The following NQO1 variants were observed in gnomAD, a reference collection of about 807,000 sequenced individuals.
NQO1 encodes NAD(P)H dehydrogenase [quinone] 1.
NQO1 carries 30 observed loss-of-function variants against 32.1 expected under a neutral mutation model. The ratio of observed to expected loss-of-function variants is 0.94; its 90% confidence interval spans 0.70 to 1.27. NQO1 has a LOEUF of 1.27. Among genes scored for constraint, NQO1 ranks in the 50% most tolerant of loss-of-function variants. The probability of loss-of-function intolerance (pLI) is 0.00; values close to 1 mark genes in which losing one functional copy is unlikely to be tolerated. For synonymous variants in NQO1, 109 were observed against 119.7 expected (o/e 0.91, Z 0.59); for missense variants, 276 against 331.3 (o/e 0.83, Z 1.30).
chr16:69,717,855 C>T, intron 3 of NQO1: 1 of 361,226 alleles, frequency 2.8e-6, no homozygotes, highest in Non-Finnish European at 5.2e-6. Flanking sequence ...TTGTGATTCA[C>T]CTGCCTTGGC....
At chr16:69,721,854 T>A (rs1157872641) in intron 1 of NQO1, among the ~76,000 whole-genome samples, 2 of 125,020 alleles carry the variant, frequency 1.6e-5, no homozygotes, top group African/African-American at 3.5e-5. Context: ...AAAAAAAAAA[T>A]TAGCTGAGCG....
At chr16:69,712,248 T>C (rs2038051339) in intron 5 of NQO1, among the ~76,000 whole-genome samples, 1 of 141,026 alleles carries the variant, frequency 7.1e-6, no homozygotes, top group South Asian at 2.4e-4. Context: ...GCTAATTTTG[T>C]TTTTTTTTTT....
intron 5 of NQO1, among the ~76,000 whole-genome samples, chr16:69,712,676 G>C (rs866196841): frequency 2.0e-5 from 3 of 152,306 alleles, no homozygotes; most frequent in Middle Eastern, 3.4e-3. Flanking sequence ...CCCCACGAAG[G>C]CTCAATGAAT....
At chr16:69,713,888 G>GTTTTTTTT (rs376877333) in intron 4 of NQO1, among the ~76,000 whole-genome samples, 13 of 130,130 alleles carry the variant, frequency 1.0e-4, no homozygotes, top group South Asian at 8.3e-4. Context: ...TTTTGTTTTT[G>GTTTTTTTT]TTTTTGATAT....
chr16:69,710,884 A>C lies in NQO1; in HGVS notation c.*92T>G. The C allele has an allele frequency of 7.3e-7, 1 of 1,367,466 alleles. No individual in the cohort carries two copies. The highest frequency in any genetic ancestry group is 1.0e-6 in the Non-Finnish European group (1 of 1,004,456). 84.7% of individuals were successfully genotyped at this position (1,367,466 alleles called of 1,614,324 possible). ...ATTTATTCCTTGTGGAAAAAGAAAA[A>C]CACAAATCTTAAAAACTAAAGCAAG... is the stretch of plus-strand genomic sequence containing the variant. On this transcript the variant is annotated 3_prime_UTR_variant, in exon 6 of 6. Transcript: ENST00000320623.
At chr16:69,722,408 C>A (rs1307271813) in intron 1 of NQO1, among the ~76,000 whole-genome samples, 1 of 152,080 alleles carries the variant, frequency 6.6e-6, no homozygotes, top group African/African-American at 2.4e-5. Context: ...GACCCACCTG[C>A]CTTGGCCTCC....
chr16:69,709,519 C>T lies in NQO1; in HGVS notation c.*1457G>A, dbSNP rs1597593097. 2.7e-6 allele frequency: 1 copy of T among 372,696 alleles called. No individual in the cohort carries two copies. Among genetic ancestry groups the T allele is most frequent in the East Asian group, 3.8e-5 (1 of 25,978 alleles). 23.1% of individuals were successfully genotyped at this position (372,696 alleles called of 1,614,324 possible). ...TCAAACTGAAACACCCAGCCGTCAG[C>T]TATTGTGGATACTGTCGAGAGCAAA... On this transcript the variant is annotated 3_prime_UTR_variant, in exon 6 of 6. Coordinates refer to ENST00000320623, the MANE Select transcript of NQO1 (RefSeq NM_000903.3).
At chr16:69,726,292 C>G in intron 1 of NQO1, 141 bp downstream of exon 1, 1 of 1,177,654 alleles carries the variant, frequency 8.5e-7, no homozygotes, top group South Asian at 1.6e-5. Flanking sequence ...CCGATCAAGG[C>G]TCATCCCAGG....
chr16:69,722,627 A>AT (rs1286250139), intron 1 of NQO1, among the ~76,000 whole-genome samples: 1 of 152,218 alleles, frequency 6.6e-6, no homozygotes, highest in Non-Finnish European at 1.5e-5. Flanking sequence ...AGGGCCCAAT[A>AT]TGCCAAACCA....
At chr16:69,725,466 T>TC (rs2038248517) in intron 1 of NQO1, among the ~76,000 whole-genome samples, 7 of 152,154 alleles carry the variant, frequency 4.6e-5, no homozygotes, top group Admixed American at 4.6e-4. Context: ...GACCTCTGAG[T>TC]TCCCCTAGGG....
At chr16:69,711,739 C>T (rs951523531) in intron 5 of NQO1, among the ~76,000 whole-genome samples, 7 of 151,784 alleles carry the variant, frequency 4.6e-5, no homozygotes, top group Non-Finnish European at 8.8e-5. Context: ...TTGCGGCTTC[C>T]ACTTCCTGGG....
chr16:69,726,489 G>C lies in NQO1; in HGVS notation c.-50C>G. On this transcript the variant is annotated 5_prime_UTR_variant, in exon 1 of 6. Coordinates refer to ENST00000320623, the MANE Select transcript of NQO1 (RefSeq NM_000903.3). ...GATTGGCTGGGCTCGTGGTTGCCGG[G>C]GCGACCCTGGCCGGAACTAGGCTCT... The C allele has an allele frequency of 1.2e-6, 2 of 1,600,150 alleles. No individual in the cohort carries two copies. Among genetic ancestry groups the C allele is most frequent in the East Asian group, 4.5e-5 (2 of 44,772 alleles).
chr16:69,724,939 C>CT (rs1178126819), intron 1 of NQO1, among the ~76,000 whole-genome samples: 1 of 152,158 alleles, frequency 6.6e-6, no homozygotes, highest in African/African-American at 2.4e-5. Flanking sequence ...TACCACCGCC[C>CT]TTTTTTGTGT....
chr16:69,718,309 A>C, intron 2 of NQO1, 56 bp from the exon 3 acceptor site: 1 of 1,612,846 alleles, frequency 6.2e-7, no homozygotes, highest in Non-Finnish European at 8.5e-7. Context: ...GGGCCAGAGG[A>C]CCCACAGGCA....
At chr16:69,720,551 T>C (rs1262110969) in intron 1 of NQO1, among the ~76,000 whole-genome samples, 2 of 151,968 alleles carry the variant, frequency 1.3e-5, no homozygotes, top group African/African-American at 4.8e-5. Context: ...TTTTTTTTTT[T>C]TGACAGTCTC....
At chr16:69,720,116 G>A (rs2038169572) in intron 1 of NQO1, among the ~76,000 whole-genome samples, 1 of 152,058 alleles carries the variant, frequency 6.6e-6, no homozygotes, top group Non-Finnish European at 1.5e-5. Context: ...AAAATTAGCT[G>A]GGCATGGTGG....
At position 69,715,082 on chromosome 16, in the gene NQO1, G is replaced by A; in HGVS notation, c.304-5C>T. 1 of 1,609,728 alleles carries A rather than the reference G, an allele frequency of 6.2e-7. No individual in the cohort carries two copies. Among genetic ancestry groups the A allele is most frequent in the Non-Finnish European group, 8.5e-7 (1 of 1,176,286 alleles). On this transcript the variant is annotated splice_region_variant and splice_polypyrimidine_tract_variant and intron_variant, in intron 3 of 5. Transcript: ENST00000320623. ...TCCAAACCACTGCAGGGGGAACTGT[G>A]GGACAGAAGACATCATTGAGGTAAG...
At chr16:69,720,186 A>C (rs1238059307) in intron 1 of NQO1, among the ~76,000 whole-genome samples, 1 of 152,036 alleles carries the variant, frequency 6.6e-6, no homozygotes, top group African/African-American at 2.4e-5. Flanking sequence ...ACTTGAACCC[A>C]GGAGGTTGAG....
chr16:69,713,346 T>C (rs1195785164), intron 4 of NQO1, among the ~76,000 whole-genome samples: 3 of 152,168 alleles, frequency 2.0e-5, no homozygotes, highest in African/African-American at 7.2e-5. Flanking sequence ...AAATGAAGGA[T>C]TCCAAACCCC....
Sources: gnomAD v4.1 joint callset for allele counts (sites outside exome capture counted in the v4.1 genomes callset) on GRCh38, gnomAD v4.1.1 for gene constraint, MANE v1.5 for transcripts, NCBI Gene and HGNC (gene_info 2026-07-23, HGNC 2026-07-21) for gene names.